The following QKI variants were observed in gnomAD, a reference collection of about 807,000 sequenced individuals.
QKI encodes QKI, KH domain containing RNA binding.
Under a neutral mutation model 39.0 loss-of-function variants are expected in QKI, and 10 were observed. The ratio of observed to expected loss-of-function variants is 0.26; its 90% CI spans 0.16 to 0.43. QKI has a LOEUF of 0.43. Ranked by LOEUF, QKI falls within the 20% of genes least tolerant of loss-of-function variation. The pLI is 1.00. For missense variants in QKI, 218 were observed against 428.0 expected, an observed-to-expected ratio of 0.51 and a Z score of 4.33; for synonymous variants, 204 against 155.4, an observed-to-expected ratio of 1.31 and a Z score of -2.33.
At chr6:163,540,470 T>A (rs1483035181) in intron 4 of QKI, among the ~76,000 whole-genome samples, 1 of 152,180 alleles carries the variant, frequency 6.6e-6, no homozygotes, top group African/African-American at 2.4e-5. Context: ...GTAAATCAGT[T>A]CAAATCTTTT....
At chr6:163,466,255 A>T (rs1280636734) in intron 2 of QKI, among the ~76,000 whole-genome samples, 1 of 152,166 alleles carries the variant, frequency 6.6e-6, no homozygotes, top group East Asian at 1.9e-4. Flanking sequence ...TAAATTAAAG[A>T]TGCAAATAAA....
intron 2 of QKI, among the ~76,000 whole-genome samples, chr6:163,477,070 C>T (rs934951490): frequency 6.9e-6 from 1 of 144,600 alleles, no homozygotes; most frequent in African/African-American, 2.6e-5. Context: ...GGCTGTAGTG[C>T]AGAGGCATGA....
intron 6 of QKI, chr6:163,564,630 G>A: frequency 6.2e-7 from 1 of 1,613,704 alleles, no homozygotes; most frequent in African/African-American, 1.3e-5. Flanking sequence ...AAAGTGGTGT[G>A]CTCGAAAAAG....
At chr6:163,564,483 T>C (rs1178434145) in intron 6 of QKI, 4 of 1,426,054 alleles carry the variant, frequency 2.8e-6, no homozygotes, top group Non-Finnish European at 3.7e-6. Flanking sequence ...GTCCTAGTCA[T>C]ATTAAACATG....
At chr6:163,439,008 T>C (rs1156263815) in intron 1 of QKI, among the ~76,000 whole-genome samples, 2 of 152,198 alleles carry the variant, frequency 1.3e-5, no homozygotes, top group African/African-American at 4.8e-5. Flanking sequence ...CTTTTCTATT[T>C]AATTTTTACT....
intron 7 of QKI, chr6:163,567,086 C>T: frequency 9.4e-7 from 1 of 1,061,900 alleles, no homozygotes; most frequent in Non-Finnish European, 1.1e-6. Flanking sequence ...TTTGATGTTG[C>T]CTCAGTTATT....
chr6:163,519,576 A>G (rs1348989829), intron 3 of QKI, among the ~76,000 whole-genome samples: 2 of 151,762 alleles, frequency 1.3e-5, no homozygotes, highest in African/African-American at 4.8e-5. Context: ...AAATAAGTTA[A>G]TATCTACCAT....
intron 3 of QKI, among the ~76,000 whole-genome samples, chr6:163,484,020 T>A (rs1426589531): frequency 6.6e-6 from 1 of 152,208 alleles, no homozygotes; most frequent in South Asian, 2.1e-4. Flanking sequence ...TCCTTGTACG[T>A]CTCTACCAGA....
At chr6:163,538,286 G>A (rs144667618) in intron 4 of QKI, among the ~76,000 whole-genome samples, 21 of 152,282 alleles carry the variant, frequency 1.4e-4, no homozygotes, top group Non-Finnish European at 2.6e-4. Context: ...AACAAATATA[G>A]GCAATATTCT....
At chr6:163,518,478 A>G (rs1429894888) in intron 3 of QKI, among the ~76,000 whole-genome samples, 1 of 152,186 alleles carries the variant, frequency 6.6e-6, no homozygotes, top group African/African-American at 2.4e-5. Flanking sequence ...AGTAATGGGT[A>G]TAATTGAGAA....
chr6:163,510,574 A>T (rs920717557), intron 3 of QKI, among the ~76,000 whole-genome samples: 3 of 152,144 alleles, frequency 2.0e-5, no homozygotes, highest in African/African-American at 7.2e-5. Context: ...AAATAAATGT[A>T]CAGTTTACAG....
intron 1 of QKI, chr6:163,423,391 G>GAGCT (rs1788158875): frequency 6.6e-6 from 1 of 152,250 alleles, no homozygotes; most frequent in Admixed American, 6.5e-5. Flanking sequence ...TTGTGTTTTA[G>GAGCT]AGCTGCAGGG....
At chr6:163,437,632 C>A (rs1789417905) in intron 1 of QKI, among the ~76,000 whole-genome samples, 1 of 152,100 alleles carries the variant, frequency 6.6e-6, no homozygotes, top group African/African-American at 2.4e-5. Context: ...ACTAAATTAG[C>A]CATAGTAATG....
chr6:163,421,556 G>A (rs1225845615), intron 1 of QKI, among the ~76,000 whole-genome samples: 2 of 130,492 alleles, frequency 1.5e-5, no homozygotes, highest in East Asian at 1.9e-4. Context: ...TCAGGATAAC[G>A]ACTGTATTTG....
At chr6:163,465,372 T>C (rs1386311814) in intron 2 of QKI, among the ~76,000 whole-genome samples, 1 of 152,074 alleles carries the variant, frequency 6.6e-6, no homozygotes, top group African/African-American at 2.4e-5. Flanking sequence ...CTCATGGCTC[T>C]GATTCCCAGC....
intron 1 of QKI, among the ~76,000 whole-genome samples, chr6:163,431,945 A>C (rs1328226399): frequency 6.6e-6 from 1 of 152,124 alleles, no homozygotes; most frequent in Non-Finnish European, 1.5e-5. Flanking sequence ...AAAGGATATG[A>C]ATACATTTTA....
intron 4 of QKI, among the ~76,000 whole-genome samples, chr6:163,553,066 ATT>A (rs1782355802): frequency 4.6e-4 from 1 of 2,166 alleles, no homozygotes; most frequent in Non-Finnish European, 7.1e-4. Context: ...TTTAATTTTT[ATT>A]TATTTATTTA....
At chr6:163,536,538 A>G (rs1350461871) in intron 4 of QKI, among the ~76,000 whole-genome samples, 4 of 152,178 alleles carry the variant, frequency 2.6e-5, no homozygotes, top group Non-Finnish European at 5.9e-5. Flanking sequence ...GTCCCTGACA[A>G]CCGAGCCCTC....
At chr6:163,438,695 A>T (rs962316833) in intron 1 of QKI, among the ~76,000 whole-genome samples, 13 of 152,138 alleles carry the variant, frequency 8.5e-5, no homozygotes, top group African/African-American at 3.1e-4. Context: ...CACTTACCAT[A>T]AATGGGGCTT....
Sources: allele counts gnomAD v4.1 joint callset (sites outside exome capture counted in the v4.1 genomes callset), GRCh38; gene constraint gnomAD v4.1.1; transcripts MANE v1.5; gene names NCBI Gene and HGNC (gene_info 2026-07-23, HGNC 2026-07-21).